DOK6: variants seen among roughly 807,000 people sequenced by gnomAD.
The protein encoded by DOK6 is downstream of tyrosine kinase 6.
A neutral mutation model predicts 44.0 loss-of-function variants in DOK6; 22 were observed. The observed-to-expected ratio is 0.50, with a 90% CI of 0.36 to 0.71. The LOEUF (loss-of-function observed/expected upper bound fraction) is 0.71, where lower values mean the gene tolerates loss of function less well. DOK6 is among the 30% of genes least tolerant of loss of function. The pLI, the probability that DOK6 is intolerant of heterozygous loss-of-function variation, is 0.00. For missense variants in DOK6, 340 were observed against 416.4 expected (o/e 0.82, Z 1.60); for synonymous variants, 166 against 145.5 (o/e 1.14, Z -1.01).
intron 1 of DOK6, among the ~76,000 whole-genome samples, chr18:69,534,938 T>C (rs147953502): frequency 6.6e-6 from 1 of 152,246 alleles, no homozygotes; most frequent in East Asian, 1.9e-4. Context: ...CTGGCTGTGA[T>C]ATTGTCTGGT....
At chr18:69,490,294 C>T (rs1333465655) in intron 1 of DOK6, among the ~76,000 whole-genome samples, 1 of 151,988 alleles carries the variant, frequency 6.6e-6, no homozygotes, top group Admixed American at 6.6e-5. Flanking sequence ...AACTCTAGTC[C>T]ACATTGTTTT....
At chr18:69,524,338 T>A (rs1981770834) in intron 1 of DOK6, among the ~76,000 whole-genome samples, 2 of 152,048 alleles carry the variant, frequency 1.3e-5, no homozygotes, top group African/African-American at 4.8e-5. Context: ...ATAGTGTAGT[T>A]AAAGTGTGTC....
chr18:69,761,669 G>A (rs545687818), intron 7 of DOK6, among the ~76,000 whole-genome samples: 1 of 152,232 alleles, frequency 6.6e-6, no homozygotes, highest in Non-Finnish European at 1.5e-5. Flanking sequence ...AAGTCCAAGG[G>A]AGACAGGGGC....
At chr18:69,473,407 T>C (rs1179849977) in intron 1 of DOK6, among the ~76,000 whole-genome samples, 1 of 152,244 alleles carries the variant, frequency 6.6e-6, no homozygotes, top group Non-Finnish European at 1.5e-5. Flanking sequence ...TCAGTTTATA[T>C]GATCACAATG....
chr18:69,798,267 A>G (rs927014952), intron 7 of DOK6, among the ~76,000 whole-genome samples: 1 of 152,134 alleles, frequency 6.6e-6, no homozygotes, highest in African/African-American at 2.4e-5. Context: ...GGTCAAGACA[A>G]TAGTTATTTT....
chr18:69,717,423 GT>G (rs1260882412), intron 5 of DOK6, among the ~76,000 whole-genome samples: 2 of 152,058 alleles, frequency 1.3e-5, no homozygotes, highest in Non-Finnish European at 2.9e-5. Flanking sequence ...TAAACAAAAA[GT>G]TGCTTAGAGC....
intron 3 of DOK6, among the ~76,000 whole-genome samples, chr18:69,618,108 A>G (rs1280769116): frequency 6.6e-6 from 1 of 152,216 alleles, no homozygotes; most frequent in East Asian, 1.9e-4. Flanking sequence ...AACAACCACT[A>G]TGAGCTAGGA....
chr18:69,694,058 C>CAAAAAAAAAAAAAAAAAAAAAA (rs60662789), intron 4 of DOK6, among the ~76,000 whole-genome samples: 9 of 62,006 alleles, frequency 1.5e-4, no homozygotes, highest in Admixed American at 7.2e-4. Flanking sequence ...GACTCCGTGT[C>CAAAAAAAAAAAAAAAAAAAAAA]AAAAAAAAAA....
At chr18:69,786,336 T>C (rs1376409470) in intron 7 of DOK6, among the ~76,000 whole-genome samples, 2 of 152,346 alleles carry the variant, frequency 1.3e-5, no homozygotes, top group East Asian at 3.9e-4. Context: ...GCATATTTCA[T>C]ATGTTAGACT....
At chr18:69,435,040 A>ACGG (rs770846616) in intron 1 of DOK6, among the ~76,000 whole-genome samples, 7,345 of 117,052 alleles carry the variant, frequency 0.063, 477 homozygotes, top group African/African-American at 0.093. Context: ...GGAAGGAAGG[A>ACGG]AGGAAGGAAG....
chr18:69,620,816 G>C (rs1418574761), intron 3 of DOK6, among the ~76,000 whole-genome samples: 1 of 152,140 alleles, frequency 6.6e-6, no homozygotes, highest in Non-Finnish European at 1.5e-5. Flanking sequence ...TAAACCTTGT[G>C]TACTTTCCTA....
chr18:69,706,663 T>C (rs1351979157), intron 5 of DOK6, among the ~76,000 whole-genome samples: 2 of 133,142 alleles, frequency 1.5e-5, no homozygotes, highest in African/African-American at 5.5e-5. Flanking sequence ...CTCCTAATGC[T>C]ATCCCTCCCC....
chr18:69,444,886 G>A (rs888630811), intron 1 of DOK6, among the ~76,000 whole-genome samples: 1 of 151,776 alleles, frequency 6.6e-6, no homozygotes, highest in African/African-American at 2.4e-5. Flanking sequence ...TTTTTTTAAT[G>A]GAAATTACAT....
At chr18:69,812,529 T>C (rs1487819649) in intron 7 of DOK6, among the ~76,000 whole-genome samples, 1 of 152,084 alleles carries the variant, frequency 6.6e-6, no homozygotes, top group Non-Finnish European at 1.5e-5. Context: ...AGATGTCCTG[T>C]GATGGACAGC....
At chr18:69,820,056 A>G (rs1981522476) in intron 7 of DOK6, among the ~76,000 whole-genome samples, 1 of 152,142 alleles carries the variant, frequency 6.6e-6, no homozygotes, top group African/African-American at 2.4e-5. Context: ...AAATGGCAAG[A>G]TTTCCTCCTT....
At chr18:69,612,399 T>TGCATGTGTGCGAGGGCGCA (rs546114466) in intron 3 of DOK6, among the ~76,000 whole-genome samples, 1 of 62,414 alleles carries the variant, frequency 1.6e-5, no homozygotes, top group African/African-American at 5.9e-5. Context: ...CGAAGAGACT[T>TGCATGTGTGCGAGGGCGCA]TGTGTGCGAG....
chr18:69,458,353 T>C (rs1290001790), intron 1 of DOK6, among the ~76,000 whole-genome samples: 1 of 152,182 alleles, frequency 6.6e-6, no homozygotes, highest in Non-Finnish European at 1.5e-5. Flanking sequence ...CATCCTTTCA[T>C]GATAATAGTC....
At chr18:69,745,420 T>C (rs1032495344) in intron 6 of DOK6, among the ~76,000 whole-genome samples, 1 of 152,178 alleles carries the variant, frequency 6.6e-6, no homozygotes, top group Non-Finnish European at 1.5e-5. Flanking sequence ...CATACACACA[T>C]ATAACCCAAT....
chr18:69,589,137 G>A (rs142830675), intron 2 of DOK6, among the ~76,000 whole-genome samples: 68 of 152,120 alleles, frequency 4.5e-4, no homozygotes, highest in African/African-American at 1.4e-3. Flanking sequence ...AGATATTGAA[G>A]CATATAATGT....
Sources: allele counts gnomAD v4.1 joint callset (sites outside exome capture counted in the v4.1 genomes callset), GRCh38; gene constraint gnomAD v4.1.1; transcripts MANE v1.5; gene names NCBI Gene and HGNC (gene_info 2026-07-23, HGNC 2026-07-21).